NRXN1: variants seen among roughly 807,000 people sequenced by gnomAD.
NRXN1 encodes neurexin-1.
In NRXN1, 39 loss-of-function variants were observed where a neutral mutation model predicts 150.9. That is an observed-to-expected ratio of 0.26 (90% CI 0.20 to 0.34). NRXN1 has a LOEUF of 0.34. Ranked by LOEUF, NRXN1 falls within the 10% of genes least tolerant of loss-of-function variation. The pLI is 1.00. For synonymous variants in NRXN1, 924 were observed against 757.0 expected, an observed-to-expected ratio of 1.22 and a Z score of -3.62; for missense variants, 1,815 against 1,949.9, an observed-to-expected ratio of 0.93 and a Z score of 1.30.
rs148604146 is a variant in NRXN1, at chr2:50,430,202, T to G, written c.3364+35240A>C. ...ATCAGTCATGACGGGGAGTTTAACC[T>G]AGGGTGAGCCATCAGTTTGTCTCCA... On this transcript the variant is annotated intron_variant, in intron 17 of 22. Coordinates refer to ENST00000401669, the MANE Select transcript of NRXN1 (RefSeq NM_001330078.2). Among the ~76,000 whole-genome samples, 12 of 152,306 alleles carry G rather than the reference T, an allele frequency of 7.9e-5. No homozygotes were observed. The East Asian group carries it at 2.3e-3, about 29-fold the overall frequency.
chr2:50,528,579 T>G (rs1386594934), intron 12 of NRXN1, 46 bp downstream of exon 12: 1 of 1,109,348 alleles, frequency 9.0e-7, no homozygotes, highest in African/African-American at 1.6e-5. Flanking sequence ...CTAGCTTACA[T>G]CATAATGGAG....
chr2:50,742,792 G>T (rs1289792415), intron 5 of NRXN1, among the ~76,000 whole-genome samples: 1 of 151,834 alleles, frequency 6.6e-6, no homozygotes, highest in South Asian at 2.1e-4. Flanking sequence ...TAATAACATC[G>T]GCAGATTCTA....
At chr2:51,012,407 C>G (rs1373268581) in intron 2 of NRXN1, among the ~76,000 whole-genome samples, 1 of 151,928 alleles carries the variant, frequency 6.6e-6, no homozygotes, top group Non-Finnish European at 1.5e-5. Context: ...TTTAGGTATA[C>G]CATTGGACTT....
intron 10 of NRXN1, among the ~76,000 whole-genome samples, chr2:50,531,851 T>C (rs1159360477): frequency 1.3e-5 from 2 of 152,008 alleles, no homozygotes; most frequent in Non-Finnish European, 2.9e-5. Flanking sequence ...TTGGGTTTTG[T>C]TGTTGTTTGT....
intron 8 of NRXN1, among the ~76,000 whole-genome samples, chr2:50,561,246 T>C (rs1669030649): frequency 6.6e-6 from 1 of 152,232 alleles, no homozygotes; most frequent in South Asian, 2.1e-4. Flanking sequence ...GCTCTATTTA[T>C]GAAGCTTTCA....
intron 5 of NRXN1, among the ~76,000 whole-genome samples, chr2:50,823,112 T>C (rs1003172129): frequency 4.6e-5 from 7 of 152,208 alleles, no homozygotes; most frequent in African/African-American, 1.7e-4. Flanking sequence ...TGAGTTGTCA[T>C]TTTAATTATT....
intron 5 of NRXN1, among the ~76,000 whole-genome samples, chr2:50,668,549 G>C (rs1476250019): frequency 1.3e-5 from 2 of 151,996 alleles, no homozygotes; most frequent in Non-Finnish European, 2.9e-5. Context: ...TGGTACAATA[G>C]GTTGTGTTTT....
chr2:50,118,073 T>C lies in NRXN1; in HGVS notation c.3547-26579A>G, dbSNP rs1703314017. Among the ~76,000 whole-genome samples, 2 of 152,142 alleles carry C rather than the reference T, an allele frequency of 1.3e-5. 1 individual carries two copies. Among genetic ancestry groups the C allele is most frequent in the South Asian group, 4.1e-4 (2 of 4,834 alleles). ...GTGATTATGGTTTAGCAAATGAATG[T>C]GAAGGTAAAGGTGTTTAGGAGAAAA... On this transcript the variant is annotated intron_variant, in intron 18 of 22. Transcript: ENST00000401669.
intron 5 of NRXN1, among the ~76,000 whole-genome samples, chr2:50,799,284 C>A (rs573638306): frequency 6.6e-6 from 1 of 152,088 alleles, no homozygotes; most frequent in African/African-American, 2.4e-5. Flanking sequence ...TGTTTGGATT[C>A]CAGTACAAAG....
intron 17 of NRXN1, among the ~76,000 whole-genome samples, chr2:50,460,377 G>A (rs1431321707): frequency 6.6e-6 from 1 of 152,112 alleles, no homozygotes; most frequent in Non-Finnish European, 1.5e-5. Flanking sequence ...CTAAAAGGCT[G>A]CTGAGAGTTG....
intron 21 of NRXN1, among the ~76,000 whole-genome samples, chr2:49,979,808 T>C (rs1006663604): frequency 6.6e-6 from 1 of 152,228 alleles, no homozygotes; most frequent in East Asian, 1.9e-4. Flanking sequence ...AAATTCCTAT[T>C]AACTATTAAT....
chr2:50,019,732 G>C (rs1687228708), intron 21 of NRXN1, among the ~76,000 whole-genome samples: 1 of 149,118 alleles, frequency 6.7e-6, no homozygotes, highest in Non-Finnish European at 1.5e-5. Flanking sequence ...GGATCACGAC[G>C]TCAGGAGATC....
chr2:49,987,064 A>G lies in NRXN1; in HGVS notation c.4129-43273T>C, dbSNP rs143239615. Among the ~76,000 whole-genome samples the G allele has an allele frequency of 7.6e-3, 1,159 of 152,156 alleles. 7 individuals carry two copies. The highest frequency in any genetic ancestry group is 0.027 in the Middle Eastern group (8 of 294). The stretch of plus-strand genomic sequence containing the variant: ...GTGAGAAAAAAAAAAGAAAATATAC[A>G]TTAAATTATTATTAACCATATTTAC... On this transcript the variant is annotated intron_variant, in intron 21 of 22. Transcript: ENST00000401669.
In NRXN1 at chr2:50,157,030, T is replaced by A. The variant is rs191596749; in HGVS notation, c.3547-65536A>T. Among the ~76,000 whole-genome samples, 655 of 152,150 alleles carry A rather than the reference T, an allele frequency of 4.3e-3. 6 individuals carry two copies. Among genetic ancestry groups the A allele is most frequent in the African/African-American group, 0.015 (605 of 41,558 alleles). On this transcript the variant is annotated intron_variant, in intron 18 of 22. Coordinates refer to ENST00000401669, the MANE Select transcript of NRXN1 (RefSeq NM_001330078.2). ...TTATCTTAGTTAAACCATTTAACCA[T>A]CTTCTTAAGTAGGTGTTATTAAGTA...
intron 17 of NRXN1, among the ~76,000 whole-genome samples, chr2:50,263,655 G>A (rs1303060269): frequency 6.6e-6 from 1 of 152,068 alleles, no homozygotes; most frequent in East Asian, 1.9e-4. Flanking sequence ...CACTGAAGGT[G>A]AAGGAAAATA....
chr2:49,932,391 T>C (rs1220908300), intron 22 of NRXN1, among the ~76,000 whole-genome samples: 3 of 152,198 alleles, frequency 2.0e-5, no homozygotes, highest in South Asian at 4.1e-4. Flanking sequence ...ACTACACTCC[T>C]GCTGGGCAAT....
At chr2:50,044,877 A>G (rs1327319429) in intron 21 of NRXN1, among the ~76,000 whole-genome samples, 2 of 152,248 alleles carry the variant, frequency 1.3e-5, no homozygotes, top group Non-Finnish European at 2.9e-5. Context: ...TACAGGCAAC[A>G]TATAGCATGG....
At chr2:50,686,618 A>G (rs2104841287) in intron 5 of NRXN1, among the ~76,000 whole-genome samples, 1 of 152,362 alleles carries the variant, frequency 6.6e-6, no homozygotes, top group South Asian at 2.1e-4. Flanking sequence ...ACTACAAGTA[A>G]AAATTGACAT....
chr2:50,783,513 T>C (rs1704634850), intron 5 of NRXN1, among the ~76,000 whole-genome samples: 1 of 152,138 alleles, frequency 6.6e-6, no homozygotes, highest in South Asian at 2.1e-4. Context: ...GTATTCTTTT[T>C]ATTTTGTCCT....
Sources: gnomAD v4.1 joint callset for allele counts (sites outside exome capture counted in the v4.1 genomes callset) on GRCh38, gnomAD v4.1.1 for gene constraint, MANE v1.5 for transcripts, NCBI Gene and HGNC (gene_info 2026-07-23, HGNC 2026-07-21) for gene names.